The following PCDHGB4 variants were observed in gnomAD, a reference collection of about 807,000 sequenced individuals.
PCDHGB4 encodes protocadherin gamma-B4.
PCDHGB4 carries 38 observed loss-of-function variants against 60.5 expected under a neutral mutation model. The ratio of observed to expected loss-of-function variants is 0.63; its 90% CI spans 0.48 to 0.82. The LOEUF (loss-of-function observed/expected upper bound fraction) is 0.82. Among genes scored for constraint, PCDHGB4 ranks in the 40% least tolerant of loss-of-function variants. The pLI, the probability that PCDHGB4 is intolerant of heterozygous loss-of-function variation, is 0.00. For synonymous variants in PCDHGB4, 456 were observed against 509.7 expected (o/e 0.89, Z 1.42); for missense variants, 1,109 against 1,209.6 (o/e 0.92, Z 1.23).
At chr5:141,473,884 G>T (rs1162382168) in intron 1 of PCDHGB4, among the ~76,000 whole-genome samples, 1 of 152,162 alleles carries the variant, frequency 6.6e-6, no homozygotes, top group African/African-American at 2.4e-5. Context: ...ATACACAAGG[G>T]TTCTGTTGGT....
At chr5:141,419,558 C>T (rs560723941) in intron 1 of PCDHGB4, 1 of 1,611,970 alleles carries the variant, frequency 6.2e-7, no homozygotes, top group African/African-American at 1.3e-5. Context: ...GTACCCTGCG[C>T]TGGGTCCCGA....
chr5:141,430,913 C>A (rs1485488693), intron 1 of PCDHGB4: 1 of 1,607,720 alleles, frequency 6.2e-7, no homozygotes, highest in East Asian at 2.2e-5. Context: ...CTCCAGGGAC[C>A]TGGGGCTGGA....
Position 141,432,323 on chromosome 5 carries a change from T to C in PCDHGB4, c.2397+42042T>C, listed in dbSNP as rs1198710959. The C allele has an allele frequency of 3.4e-5, 55 of 1,614,214 alleles. No individual in the cohort carries two copies. Among genetic ancestry groups the C allele is most frequent in the Non-Finnish European group, 4.7e-5 (55 of 1,180,028 alleles). On this transcript the variant is annotated intron_variant, in intron 1 of 3. Transcript: ENST00000519479. This position sits in a 1 kb window ranked among gnomAD's most constrained non-coding sequence, Gnocchi z 6.0. ...ACTGTATGCGCTGAGCTCCTTCGAC[T>C]ACGAGCAGTTCCGAGACTTGCAAGT...
At chr5:141,409,813 C>T in intron 1 of PCDHGB4, 2 of 1,611,170 alleles carry the variant, frequency 1.2e-6, no homozygotes, top group African/African-American at 1.3e-5. Flanking sequence ...CCCGCGACCA[C>T]GGCTCGCCCA....
chr5:141,492,942 G>A (rs897160295), intron 1 of PCDHGB4, among the ~76,000 whole-genome samples: 3 of 152,220 alleles, frequency 2.0e-5, no homozygotes, highest in African/African-American at 7.2e-5. Context: ...GAGATTTGGA[G>A]GTGACCAAAC....
At chr5:141,422,167 A>G in intron 1 of PCDHGB4, 1 of 1,562,764 alleles carries the variant, frequency 6.4e-7, no homozygotes, top group Non-Finnish European at 8.6e-7. Context: ...TGAAAAATAT[A>G]GATTCTATGA....
chr5:141,445,708 G>A (rs2098475030), intron 1 of PCDHGB4, among the ~76,000 whole-genome samples: 1 of 152,168 alleles, frequency 6.6e-6, no homozygotes, highest in African/African-American at 2.4e-5. Flanking sequence ...AAATTGTCAG[G>A]CAGAGGAAAT....
intron 1 of PCDHGB4, chr5:141,399,294 G>T (rs781668632): frequency 6.2e-7 from 1 of 1,613,914 alleles, no homozygotes; most frequent in South Asian, 1.1e-5. Flanking sequence ...TCCCTTTTAA[G>T]ATTATCTCTT....
intron 1 of PCDHGB4, among the ~76,000 whole-genome samples, chr5:141,407,310 T>C (rs1468156890): frequency 6.6e-6 from 1 of 152,224 alleles, no homozygotes; most frequent in Non-Finnish European, 1.5e-5. Context: ...GTAGCCTTCA[T>C]ACTTAGTATT....
intron 1 of PCDHGB4, chr5:141,399,784 G>A: frequency 6.2e-7 from 1 of 1,613,288 alleles, no homozygotes; most frequent in Non-Finnish European, 8.5e-7. Context: ...CGACCGAAAC[G>A]ACAACGCACC....
At chr5:141,400,638 T>A in intron 1 of PCDHGB4, 1 of 1,325,472 alleles carries the variant, frequency 7.5e-7, no homozygotes, top group Non-Finnish European at 1.1e-6. Flanking sequence ...TCAGAGCTGC[T>A]CAGAAAGCTG....
rs376057952 is a variant in PCDHGB4 at position 141,417,907 on chromosome 5, A to G, written c.2397+27626A>G. On this transcript the variant is annotated intron_variant, in intron 1 of 3. Transcript: ENST00000519479. Reference sequence around the variant, plus strand: ...GGCGCCGGGCCGGCCCGCGGCAGGTACTATTTCCTTTGCTGCTGCCTTTGT... The same window carrying G: ...GGCGCCGGGCCGGCCCGCGGCAGGTGCTATTTCCTTTGCTGCTGCCTTTGT... The G allele has an allele frequency of 3.6e-4, 571 of 1,596,132 alleles. 2 individuals are homozygous for G. In the African/African-American group the frequency reaches 5.1e-3, roughly 14 times the overall value.
intron 1 of PCDHGB4, among the ~76,000 whole-genome samples, chr5:141,457,384 G>A (rs2154565902): frequency 6.6e-6 from 1 of 152,270 alleles, no homozygotes; most frequent in African/African-American, 2.4e-5. Context: ...CCCAGAACTA[G>A]CATATTGATT....
At chr5:141,475,903 G>A in intron 1 of PCDHGB4, 1 of 576,064 alleles carries the variant, frequency 1.7e-6, no homozygotes. Context: ...TGCCGCTGTC[G>A]GCCAATGAAG....
At chr5:141,465,922 T>A (rs7704812) in intron 1 of PCDHGB4, among the ~76,000 whole-genome samples, 42,795 of 151,826 alleles carry the variant, frequency 0.28, 6,697 homozygotes, top group African/African-American at 0.42. Flanking sequence ...GGATTTCGAG[T>A]CCATCCTGGC....
Position 141,511,390 on chromosome 5 carries a change from C to T in PCDHGB4, c.*217C>T, listed in dbSNP as rs2099883760. 1.8e-6 allele frequency: 2 copies of T among 1,101,460 alleles called. No individual in the cohort carries two copies. Among genetic ancestry groups the T allele is most frequent in the Admixed American group, 2.9e-5 (1 of 34,440 alleles). The allele number at this position is 1,101,460 out of a possible 1,614,324, so 68.2% of individuals were successfully genotyped here. A position where few individuals can be genotyped will look rare whatever the true frequency, so the allele number is the denominator to read the frequency against. On this transcript the variant is annotated 3_prime_UTR_variant, in exon 4 of 4. Transcript: ENST00000519479. ...ATGCAAAAGCAGTTCCGCTGGGAAC[C>T]CCCATCCAATCAACTGCTGTACCCA... is the stretch of plus-strand genomic sequence containing the variant.
intron 1 of PCDHGB4, chr5:141,418,549 C>T: frequency 6.2e-7 from 1 of 1,614,024 alleles, no homozygotes; most frequent in Non-Finnish European, 8.5e-7. Context: ...AGATAAGAAT[C>T]CTGGTAATAG....
In PCDHGB4 at chr5:141,389,923, C is replaced by T; in HGVS notation, c.2039C>T (p.Ser680Phe). The T allele has an allele frequency of 6.2e-7, 1 of 1,614,076 alleles. No homozygotes were observed. Among genetic ancestry groups the T allele is most frequent in the Non-Finnish European group, 8.5e-7 (1 of 1,179,902 alleles). The change falls in exon 1 of 4, where the codon TCT becomes TTT. Residue 680 changes from serine to phenylalanine, a missense_variant. Ser to Phe is a radical substitution (Grantham distance 155, BLOSUM62 -2). This residue lies in a region of PCDHGB4 where 1,068 missense variants were observed against 1,089.9 expected (regional missense o/e 0.98). Coordinates refer to ENST00000519479, the MANE Select transcript of PCDHGB4 (RefSeq NM_003736.4). ...GATATCACTGACCGCCCCGACCCCT[C>T]TGACCTCCAGGCTGAGCTGCAGTTT... The part of the protein sequence containing the change: ...LPDITDRPDP[S>F]DLQAELQFYL...
At chr5:141,400,172 C>G in intron 1 of PCDHGB4, 1 of 1,614,082 alleles carries the variant, frequency 6.2e-7, no homozygotes, top group Non-Finnish European at 8.5e-7. Context: ...GACCCCCAGG[C>G]TGAGCTGCAG....
Sources: gnomAD v4.1 joint callset for allele counts (sites outside exome capture counted in the v4.1 genomes callset) on GRCh38, gnomAD v4.1.1 for gene constraint, gnomAD v4.1.1 regional missense constraint, Gnocchi (gnomAD v3.1) non-coding constraint, MANE v1.5 for transcripts, NCBI Gene and HGNC (gene_info 2026-07-23, HGNC 2026-07-21) for gene names.